NCR1: variants seen among roughly 807,000 people sequenced by gnomAD.
The protein encoded by NCR1 is NK cell-activating receptor.
NCR1 carries 30 observed loss-of-function variants against 32.5 expected under a neutral mutation model. That is an observed-to-expected ratio of 0.92 (90% CI 0.69 to 1.25). The LOEUF is 1.25. NCR1 is among the 50% of genes most tolerant of loss of function. NCR1 has a pLI of 0.00. For missense variants in NCR1, 369 were observed against 380.7 expected, an observed-to-expected ratio of 0.97 and a Z score of 0.26; for synonymous variants, 169 against 143.4, an observed-to-expected ratio of 1.18 and a Z score of -1.28.
intron 3 of NCR1, among the ~76,000 whole-genome samples, chr19:54,907,990 T>A (rs1015385475): frequency 5.3e-5 from 8 of 152,306 alleles, no homozygotes; most frequent in Admixed American, 2.0e-4. Flanking sequence ...TCTTTTTTTT[T>A]TAATTTTTTT....
the NCR1 span, among the ~76,000 whole-genome samples, chr19:54,925,159 G>A: frequency 6.6e-6 from 1 of 151,986 alleles, no homozygotes; most frequent in Admixed American, 6.6e-5. Flanking sequence ...TCCCACCTTG[G>A]CCTCCCAAAG....
downstream of NCR1, among the ~76,000 whole-genome samples, chr19:54,914,263 AG>A (rs1215869251): frequency 2.1e-5 from 3 of 145,304 alleles, no homozygotes; most frequent in Non-Finnish European, 4.5e-5. Context: ...CACAACGTGC[AG>A]GTTAGTTACA....
At chr19:54,919,804 G>A (rs983997910), downstream of NCR1, among the ~76,000 whole-genome samples, 1 of 145,194 alleles carries the variant, frequency 6.9e-6, no homozygotes, top group Non-Finnish European at 1.5e-5. Flanking sequence ...ACCATGATCC[G>A]CTTGGTGACG....
At chr19:54,923,727 G>A in the NCR1 span, 54 of 1,612,248 alleles carry the variant, frequency 3.3e-5, no homozygotes, top group Non-Finnish European at 3.9e-5. Flanking sequence ...TTCGTAGAGC[G>A]ATCCCAGGCT....
At chr19:54,917,938 TTTTC>T (rs2068167688), downstream of NCR1, among the ~76,000 whole-genome samples, 1 of 151,992 alleles carries the variant, frequency 6.6e-6, no homozygotes, top group African/African-American at 2.4e-5. Flanking sequence ...ACGTGGCTAT[TTTTC>T]TTTCTTATTG....
At chr19:54,914,772 C>T (rs1194940333), downstream of NCR1, among the ~76,000 whole-genome samples, 1 of 150,552 alleles carries the variant, frequency 6.6e-6, no homozygotes, top group Non-Finnish European at 1.5e-5. Flanking sequence ...GACAGTCTCA[C>T]TCTGTAGCCC....
the NCR1 span, among the ~76,000 whole-genome samples, chr19:54,924,111 G>C: frequency 1.3e-5 from 2 of 152,044 alleles, no homozygotes; most frequent in African/African-American, 2.4e-5. Flanking sequence ...GTGATTACAG[G>C]TGTGCACCAC....
At chr19:54,920,365 G>A (rs1475087997), downstream of NCR1, among the ~76,000 whole-genome samples, 1 of 152,148 alleles carries the variant, frequency 6.6e-6, no homozygotes, top group Non-Finnish European at 1.5e-5. Context: ...TATACATCAC[G>A]TGATACACAG....
At chr19:54,927,582 A>G in the NCR1 span, 2 of 1,612,376 alleles carry the variant, frequency 1.2e-6, no homozygotes, top group East Asian at 2.2e-5. Context: ...AAAACAAAAC[A>G]AAACAAAACA....
At chr19:54,936,292 T>C in the NCR1 span, 1 of 1,613,872 alleles carries the variant, frequency 6.2e-7, no homozygotes, top group Non-Finnish European at 8.5e-7. Context: ...TTATGATTTC[T>C]GAGCAGGTCA....
chr19:54,920,532 G>A (rs1487928908), downstream of NCR1, among the ~76,000 whole-genome samples: 1 of 152,060 alleles, frequency 6.6e-6, no homozygotes, highest in Non-Finnish European at 1.5e-5. Flanking sequence ...TTTATTACTG[G>A]TAAGTGGGTA....
rs2067633932 is a variant in NCR1, at chr19:54,906,637, T to C, written c.185T>C (p.Phe62Ser). 1 of 1,614,070 alleles carries C rather than the reference T, an allele frequency of 6.2e-7. No individual in the cohort carries two copies. The highest frequency in any genetic ancestry group is 1.3e-5 in the African/African-American group (1 of 74,922). Residue 62 changes from phenylalanine (F) to serine (S), a missense_variant, in exon 3 of 7, where the codon TTT becomes TCT. By Grantham distance (155) the Phe-to-Ser change is radical. Coordinates refer to ENST00000291890, the MANE Select transcript of NCR1 (RefSeq NM_004829.7). ...GGGGCTGTTGAATACCAGCTGCACT[T>C]TGAAGGAAGCCTTTTTGCCGTGGAC... The part of the protein sequence containing the change: ...NYGAVEYQLH[F>S]EGSLFAVDRP...
chr19:54,911,645 G>C (rs377091505), intron 5 of NCR1, among the ~76,000 whole-genome samples: 1 of 151,866 alleles, frequency 6.6e-6, no homozygotes, highest in Non-Finnish European at 1.5e-5. Context: ...ACAGCTACTC[G>C]GGGCTGAAGC....
chr19:54,901,829 G>T (rs1057103534), upstream of NCR1, among the ~76,000 whole-genome samples: 2 of 152,148 alleles, frequency 1.3e-5, no homozygotes, highest in Non-Finnish European at 2.9e-5. Context: ...TTAGCTGGGC[G>T]TGGTTGTGGG....
chr19:54,930,633 A>G, the NCR1 span: 1 of 1,613,498 alleles, frequency 6.2e-7, no homozygotes, highest in Non-Finnish European at 8.5e-7. Context: ...AGAGATATCT[A>G]CAGCCAAGCT....
the NCR1 span, among the ~76,000 whole-genome samples, chr19:54,922,594 A>G: frequency 6.6e-6 from 1 of 151,964 alleles, no homozygotes; most frequent in Non-Finnish European, 1.5e-5. Context: ...CCTGGCCAAC[A>G]TTGTGAAACC....
chr19:54,933,973 C>T, the NCR1 span, among the ~76,000 whole-genome samples: 4 of 152,092 alleles, frequency 2.6e-5, no homozygotes, highest in Non-Finnish European at 5.9e-5. Context: ...GACGGAGTCT[C>T]GCTCTGTCGC....
At chr19:54,929,621 G>A in the NCR1 span, among the ~76,000 whole-genome samples, 4 of 152,108 alleles carry the variant, frequency 2.6e-5, no homozygotes, top group Non-Finnish European at 5.9e-5. Context: ...AGGTGGGGCA[G>A]GCTCACTGCT....
At chr19:54,921,998 G>A in the NCR1 span, among the ~76,000 whole-genome samples, 10 of 151,778 alleles carry the variant, frequency 6.6e-5, no homozygotes, top group Non-Finnish European at 1.3e-4. Flanking sequence ...CCGGGTTCAA[G>A]CGATTCTCCT....
Sources: allele counts gnomAD v4.1 joint callset (sites outside exome capture counted in the v4.1 genomes callset), GRCh38; gene constraint gnomAD v4.1.1; transcripts MANE v1.5; gene names NCBI Gene and HGNC (gene_info 2026-07-23, HGNC 2026-07-21).